CSNK1A1: variants seen among roughly 807,000 people sequenced by gnomAD.
CSNK1A1 encodes the protein casein kinase 1 alpha 1.
CSNK1A1 carries 7 observed loss-of-function variants against 46.1 expected under a neutral mutation model. The ratio of observed to expected loss-of-function variants is 0.15; its 90% confidence interval spans 0.09 to 0.29. The LOEUF (loss-of-function observed/expected upper bound fraction) is 0.29, where lower values mean the gene tolerates loss of function less well. Among genes scored for constraint, CSNK1A1 ranks in the 10% least tolerant of loss-of-function variants. The pLI is 1.00. For synonymous variants in CSNK1A1, 137 were observed against 141.5 expected (o/e 0.97, Z 0.23); for missense variants, 96 against 417.1 (o/e 0.23, Z 6.71).
intron 2 of CSNK1A1, among the ~76,000 whole-genome samples, chr5:149,538,014 GT>G (rs890909710): frequency 0.026 from 2,263 of 85,616 alleles, 8 homozygotes; most frequent in East Asian, 0.09. Context: ...AGTGTGCCCA[GT>G]TTTTTTTTTT....
chr5:149,545,880 T>C (rs1022726220), intron 2 of CSNK1A1: 1 of 318,868 alleles, frequency 3.1e-6, no homozygotes, highest in Non-Finnish European at 5.9e-6. Flanking sequence ...ATGGATGCCA[T>C]TCTCTTATCC....
chr5:149,540,573 C>T (rs1361137132), intron 2 of CSNK1A1, among the ~76,000 whole-genome samples: 1 of 151,986 alleles, frequency 6.6e-6, no homozygotes, highest in Non-Finnish European at 1.5e-5. Flanking sequence ...TATAGTAAAA[C>T]CAACACCAAA....
intron 2 of CSNK1A1, among the ~76,000 whole-genome samples, chr5:149,548,618 T>C (rs1036896301): frequency 6.6e-6 from 1 of 151,972 alleles, no homozygotes; most frequent in Admixed American, 6.6e-5. Context: ...CCCAGCACTT[T>C]GGGAGGCCGA....
At chr5:149,539,568 G>T (rs1228613558) in intron 2 of CSNK1A1, among the ~76,000 whole-genome samples, 1 of 151,670 alleles carries the variant, frequency 6.6e-6, no homozygotes, top group Non-Finnish European at 1.5e-5. Context: ...AAAAATTATT[G>T]TTATTAATTA....
chr5:149,545,647 G>A, intron 2 of CSNK1A1: 5 of 893,368 alleles, frequency 5.6e-6, no homozygotes, highest in Non-Finnish European at 8.9e-6. Flanking sequence ...CTCAGCAAGT[G>A]CACTCATTGC....
At position 149,551,139 on chromosome 5, in the gene CSNK1A1, C is replaced by T; in HGVS notation, c.-175G>A. ...TCAGCAGAGGGGAACCTGATCACCG[C>T]CGCTCAGTCAGGTTTCTTTTTGCCA... On this transcript the variant is annotated 5_prime_UTR_variant, in exon 1 of 10. Transcript: ENST00000377843. The T allele has an allele frequency of 1.7e-6, 1 of 573,026 alleles. No homozygotes were observed. Among genetic ancestry groups the T allele is most frequent in the East Asian group, 3.2e-5 (1 of 31,394 alleles). 35.5% of individuals were successfully genotyped at this position (573,026 alleles called of 1,614,324 possible). A position where few individuals can be genotyped will look rare whatever the true frequency, so the allele number is the denominator to read the frequency against.
intron 2 of CSNK1A1, among the ~76,000 whole-genome samples, chr5:149,544,221 T>A (rs1009120816): frequency 6.6e-6 from 1 of 152,126 alleles, no homozygotes; most frequent in Non-Finnish European, 1.5e-5. Context: ...AGAACAATCC[T>A]TTTTTTATGT....
intron 2 of CSNK1A1, among the ~76,000 whole-genome samples, chr5:149,542,691 TA>T (rs1372815713): frequency 0.062 from 947 of 15,366 alleles, 201 homozygotes; most frequent in Non-Finnish European, 0.08. Flanking sequence ...TATATATATA[TA>T]TTTTTTTTTT....
Position 149,534,482 on chromosome 5 carries a change from C to CAA in CSNK1A1, c.231-9313_231-9312dup, listed in dbSNP as rs10597922. Reference sequence around the variant, plus strand: ...CTGGCGACAGAGCGAGACTCTGTCTCAAAAAAAAAAAAAAAAAAAAAAAAA... The same window carrying CAA: ...CTGGCGACAGAGCGAGACTCTGTCTCAAAAAAAAAAAAAAAAAAAAAAAAAAA... On this transcript the variant is annotated intron_variant, in intron 2 of 9. Transcript: ENST00000377843. Among the ~76,000 whole-genome samples, 233 of 94,972 alleles carry CAA rather than the reference C, an allele frequency of 2.5e-3. 4 individuals carry two copies. The highest frequency in any genetic ancestry group is 9.2e-3 in the African/African-American group (217 of 23,602). 62.3% of individuals were successfully genotyped at this position (94,972 alleles called of 152,430 possible). A position where few individuals can be genotyped will look rare whatever the true frequency, so the allele number is the denominator to read the frequency against.
chr5:149,496,845 A>C lies in CSNK1A1; in HGVS notation c.*8T>G. 2 of 1,557,086 alleles carry C rather than the reference A, an allele frequency of 1.3e-6. No homozygotes were observed. The highest frequency in any genetic ancestry group is 1.7e-6 in the Non-Finnish European group (2 of 1,152,116). On this transcript the variant is annotated 3_prime_UTR_variant, in exon 10 of 10. Coordinates refer to ENST00000377843, the MANE Select transcript of CSNK1A1 (RefSeq NM_001892.6). ...TCTGCTCTGCTTCTTCTGTTCCTCA[A>C]TTCATGCTTAGAAACCTGGTAAAAA... is the stretch of plus-strand genomic sequence containing the variant.
chr5:149,500,383 C>T (rs1314204230), intron 9 of CSNK1A1, among the ~76,000 whole-genome samples: 1 of 151,928 alleles, frequency 6.6e-6, no homozygotes, highest in African/African-American at 2.4e-5. Context: ...GTGATCCGCC[C>T]GCCTCGGCCT....
At chr5:149,545,072 A>C (rs938362031) in intron 2 of CSNK1A1, among the ~76,000 whole-genome samples, 1 of 150,534 alleles carries the variant, frequency 6.6e-6, no homozygotes, top group Non-Finnish European at 1.5e-5. Context: ...ATTGCACTCC[A>C]GCCTGGGTGA....
intron 2 of CSNK1A1, among the ~76,000 whole-genome samples, chr5:149,534,482 CAAAAAA>C (rs10597922): frequency 5.3e-5 from 5 of 94,978 alleles, no homozygotes; most frequent in African/African-American, 1.7e-4. Flanking sequence ...GACTCTGTCT[CAAAAAA>C]AAAAAAAAAA....
At chr5:149,544,178 TA>T (rs1213251277) in intron 2 of CSNK1A1, among the ~76,000 whole-genome samples, 2 of 152,198 alleles carry the variant, frequency 1.3e-5, no homozygotes, top group Non-Finnish European at 2.9e-5. Flanking sequence ...TAGGCAGCCC[TA>T]AATCTTTCTA....
At chr5:149,499,209 T>C in intron 9 of CSNK1A1, 2 of 984,384 alleles carry the variant, frequency 2.0e-6, no homozygotes, top group Non-Finnish European at 2.4e-6. Flanking sequence ...TCTTGCAGAT[T>C]AGGTGGCTCA....
chr5:149,521,393 T>C (rs1241293446), intron 3 of CSNK1A1, among the ~76,000 whole-genome samples: 3 of 151,564 alleles, frequency 2.0e-5, no homozygotes, highest in Admixed American at 6.6e-5. Flanking sequence ...CTTCACCCTC[T>C]GGAGTAGCTG....
intron 2 of CSNK1A1, among the ~76,000 whole-genome samples, chr5:149,543,680 G>A (rs945353172): frequency 2.6e-5 from 4 of 152,030 alleles, no homozygotes; most frequent in African/African-American, 7.2e-5. Context: ...TTATAAATAC[G>A]TTCTAAAACA....
intron 3 of CSNK1A1, among the ~76,000 whole-genome samples, chr5:149,523,861 G>C (rs2113123959): frequency 6.6e-6 from 1 of 152,206 alleles, no homozygotes; most frequent in South Asian, 2.1e-4. Flanking sequence ...TAAACGATAA[G>C]CTATTGTTAA....
intron 9 of CSNK1A1, chr5:149,501,035 C>T: frequency 1.0e-6 from 1 of 985,344 alleles, no homozygotes; most frequent in Non-Finnish European, 1.2e-6. Flanking sequence ...TTGATTCTTT[C>T]CCCAGCTGGT....
Sources: allele counts gnomAD v4.1 joint callset (sites outside exome capture counted in the v4.1 genomes callset), GRCh38; gene constraint gnomAD v4.1.1; transcripts MANE v1.5; gene names NCBI Gene and HGNC (gene_info 2026-07-23, HGNC 2026-07-21).